The following RB1 variants were observed in gnomAD, a reference collection of about 807,000 sequenced individuals.
The protein encoded by RB1 is RB transcriptional corepressor 1.
A neutral mutation model predicts 135.4 loss-of-function variants in RB1; 18 were observed. The ratio of observed to expected loss-of-function variants is 0.13; its 90% confidence interval spans 0.09 to 0.20. The LOEUF (loss-of-function observed/expected upper bound fraction) is 0.20, where lower values mean the gene tolerates loss of function less well. RB1 is among the 10% of genes least tolerant of loss of function. The probability of loss-of-function intolerance (pLI) is 1.00; values close to 1 mark genes in which losing one functional copy is unlikely to be tolerated. For synonymous variants in RB1, 365 were observed against 373.2 expected (o/e 0.98, Z 0.25); for missense variants, 868 against 1,110.0 (o/e 0.78, Z 3.10).
intron 17 of RB1, among the ~76,000 whole-genome samples, chr13:48,448,470 T>A (rs1949304615): frequency 6.6e-6 from 1 of 152,194 alleles, no homozygotes; most frequent in Non-Finnish European, 1.5e-5. Context: ...CTGTAGTGAG[T>A]CACTATTACA....
At chr13:48,407,373 GAGAGGCTTA>G (rs1225812803) in intron 17 of RB1, among the ~76,000 whole-genome samples, 2 of 152,176 alleles carry the variant, frequency 1.3e-5, no homozygotes, top group Admixed American at 6.5e-5. Context: ...AGGAAGGTAG[GAGAGGCTTA>G]ACACTATCAT....
intron 2 of RB1, among the ~76,000 whole-genome samples, chr13:48,334,731 G>A (rs1327630089): frequency 6.6e-6 from 1 of 152,140 alleles, no homozygotes; most frequent in East Asian, 1.9e-4. Flanking sequence ...ACTTGGTGGA[G>A]CTCTTTTATA....
In RB1 at chr13:48,466,700, G is replaced by A. The variant is rs1217456116; in HGVS notation, c.2489+1332G>A. 2.7e-3 allele frequency among the ~76,000 whole-genome samples: 288 copies of A among 106,320 alleles called. 3 individuals carry two copies. Among genetic ancestry groups the A allele is most frequent in the Middle Eastern group, 5.3e-3 (1 of 190 alleles). The allele number at this position is 106,320 out of a possible 152,430, so 69.8% of individuals were successfully genotyped here. On this transcript the variant is annotated intron_variant, in intron 23 of 26. Transcript: ENST00000267163. Reference sequence around the variant, plus strand: ...ATATATAACTAGAATAACCAATACAGAGAAGTGCTTAAAGGAGCTGATGGA... The same window carrying A: ...ATATATAACTAGAATAACCAATACAAAGAAGTGCTTAAAGGAGCTGATGGA...
chr13:48,323,999 C>T (rs931730196), intron 2 of RB1, among the ~76,000 whole-genome samples: 2 of 151,938 alleles, frequency 1.3e-5, no homozygotes, highest in Non-Finnish European at 2.9e-5. Flanking sequence ...ATAAATCACA[C>T]TTTATAGTAA....
At chr13:48,478,159 T>C (rs1442162118) in intron 26 of RB1, among the ~76,000 whole-genome samples, 1 of 152,192 alleles carries the variant, frequency 6.6e-6, no homozygotes, top group Non-Finnish European at 1.5e-5. Context: ...ATTCAGGAGA[T>C]AGGTGTTAAA....
At chr13:48,387,170 T>C (rs961653164) in intron 17 of RB1, among the ~76,000 whole-genome samples, 1 of 152,218 alleles carries the variant, frequency 6.6e-6, no homozygotes, top group African/African-American at 2.4e-5. Flanking sequence ...ATTCAGCTCT[T>C]TGCTGTTATG....
chr13:48,450,094 ATTT>A (rs386379116), intron 17 of RB1, among the ~76,000 whole-genome samples: 1 of 117,742 alleles, frequency 8.5e-6, no homozygotes. Flanking sequence ...ATATATATAT[ATTT>A]TTTTTTTTTT....
At chr13:48,430,781 T>C (rs1439084417) in intron 17 of RB1, among the ~76,000 whole-genome samples, 1 of 149,668 alleles carries the variant, frequency 6.7e-6, no homozygotes, top group Admixed American at 6.6e-5. Context: ...AAAAAAACAG[T>C]AGAGGCCTGC....
At chr13:48,472,751 A>G (rs968858614) in intron 23 of RB1, among the ~76,000 whole-genome samples, 2 of 152,106 alleles carry the variant, frequency 1.3e-5, no homozygotes, top group African/African-American at 4.8e-5. Flanking sequence ...TTATCAAGGA[A>G]TTGGAGGGCA....
At chr13:48,408,003 GTAGGACCAAAAAGCAATT>G (rs1197869605) in intron 17 of RB1, among the ~76,000 whole-genome samples, 1 of 152,066 alleles carries the variant, frequency 6.6e-6, no homozygotes, top group Non-Finnish European at 1.5e-5. Context: ...GTCCAAAATT[GTAGGACCAAAAAGCAATT>G]GCTTCAGATT....
chr13:48,479,986 T>A lies in RB1; in HGVS notation c.2714-12T>A, dbSNP rs759312873. 1.9e-6 allele frequency: 3 copies of A among 1,610,450 alleles called. No individual in the cohort carries two copies. The highest frequency in any genetic ancestry group is 2.5e-6 in the Non-Finnish European group (3 of 1,177,334). On this transcript the variant is annotated splice_polypyrimidine_tract_variant and intron_variant, in intron 26 of 26. Transcript: ENST00000267163. Reference sequence around the variant, plus strand: ...CATCAATGCTGTTAACAGTTCTTCATCCTTTTTCCAGCTTCTACTCGAACA... The same window carrying A: ...CATCAATGCTGTTAACAGTTCTTCAACCTTTTTCCAGCTTCTACTCGAACA...
chr13:48,375,630 T>C (rs183667400), intron 12 of RB1, among the ~76,000 whole-genome samples: 15 of 151,644 alleles, frequency 9.9e-5, no homozygotes, highest in Admixed American at 3.3e-4. Flanking sequence ...TAGGCTGGAG[T>C]GAAATGGCAT....
At chr13:48,360,863 G>C (rs1024796181) in intron 7 of RB1, 1 of 151,920 alleles carries the variant, frequency 6.6e-6, no homozygotes, top group African/African-American at 2.4e-5. Flanking sequence ...CTAATTCCTT[G>C]CTTCTGAAAT....
intron 1 of RB1, among the ~76,000 whole-genome samples, chr13:48,306,006 G>T (rs145755889): frequency 2.6e-5 from 4 of 152,186 alleles, no homozygotes; most frequent in Non-Finnish European, 4.4e-5. Context: ...GTGATGGCGC[G>T]TACCTGTAGT....
At position 48,380,036 on chromosome 13, in the gene RB1, T is replaced by TA. The variant is rs779396239; in HGVS notation, c.1390-14dup. ...ATTAAACAACTTCTTTTTTTTTTTT[T>TA]AAATTATCTGTTTCAGGAAGAAGAA... is the stretch of plus-strand genomic sequence containing the variant. On this transcript the variant is annotated splice_polypyrimidine_tract_variant and intron_variant, in intron 14 of 26. Coordinates refer to ENST00000267163, the MANE Select transcript of RB1 (RefSeq NM_000321.3). The TA allele has an allele frequency of 2.3e-6, 3 of 1,277,322 alleles. No individual in the cohort carries two copies. In the African/African-American group the frequency reaches 4.6e-5, roughly 20 times the overall value. 79.1% of individuals were successfully genotyped at this position (1,277,322 alleles called of 1,614,324 possible).
chr13:48,461,196 T>C (rs1032533274), intron 20 of RB1, among the ~76,000 whole-genome samples: 1 of 151,902 alleles, frequency 6.6e-6, no homozygotes, highest in Non-Finnish European at 1.5e-5. Context: ...CCCAAGGCAA[T>C]ACTAATCTAT....
At chr13:48,448,561 T>C (rs1949305201) in intron 17 of RB1, among the ~76,000 whole-genome samples, 3 of 152,204 alleles carry the variant, frequency 2.0e-5, no homozygotes, top group African/African-American at 7.2e-5. Flanking sequence ...ATATGTGTAA[T>C]GACTATATGA....
chr13:48,473,229 C>T, intron 23 of RB1, 131 bp from the exon 24 acceptor site: 1 of 678,142 alleles, frequency 1.5e-6, no homozygotes, highest in Non-Finnish European at 2.6e-6. Flanking sequence ...TATAGTTTGT[C>T]AGTGGTTCTA....
At chr13:48,320,945 T>TA (rs1952230871) in intron 2 of RB1, among the ~76,000 whole-genome samples, 1 of 152,198 alleles carries the variant, frequency 6.6e-6, no homozygotes, top group Non-Finnish European at 1.5e-5. Flanking sequence ...AGGACGACGT[T>TA]ACGCATAGAT....
Sources: allele counts gnomAD v4.1 joint callset (sites outside exome capture counted in the v4.1 genomes callset), GRCh38; gene constraint gnomAD v4.1.1; transcripts MANE v1.5; gene names NCBI Gene and HGNC (gene_info 2026-07-23, HGNC 2026-07-21).